The following XPO5 variants were observed in gnomAD, a reference collection of about 807,000 sequenced individuals.
XPO5 encodes the protein exportin 5, also known as exportin-5.
A neutral mutation model predicts 160.6 loss-of-function variants in XPO5; 46 were observed. The ratio of observed to expected loss-of-function variants is 0.29; its 90% CI spans 0.23 to 0.37. The LOEUF (loss-of-function observed/expected upper bound fraction) is 0.37, where lower values mean the gene tolerates loss of function less well. XPO5 is among the 10% of genes least tolerant of loss of function. The pLI, the probability that XPO5 is intolerant of heterozygous loss-of-function variation, is 1.00. For missense variants in XPO5, 1,090 were observed against 1,463.9 expected (o/e 0.74, Z 4.17); for synonymous variants, 537 against 519.3 (o/e 1.03, Z -0.46).
chr6:43,523,632 A>G lies in XPO5; in HGVS notation c.*236T>C. The G allele has an allele frequency of 1.3e-6, 1 of 762,988 alleles. No individual in the cohort carries two copies. The highest frequency in any genetic ancestry group is 1.4e-5 in the South Asian group (1 of 73,156). 47.3% of individuals were successfully genotyped at this position (762,988 alleles called of 1,614,324 possible). A position where few individuals can be genotyped will look rare whatever the true frequency, so the allele number is the denominator to read the frequency against. Reference sequence around the variant, plus strand: ...AGCCAAATCTCCAAGTAGAATGGGAACTATCTGGGACATCTAGACAGAATA... The same window carrying G: ...AGCCAAATCTCCAAGTAGAATGGGAGCTATCTGGGACATCTAGACAGAATA... On this transcript the variant is annotated 3_prime_UTR_variant, in exon 32 of 32. Transcript: ENST00000265351.
At chr6:43,528,266 C>T (rs1793724185) in intron 24 of XPO5, 61 bp from the exon 25 acceptor site, 1 of 1,507,852 alleles carries the variant, frequency 6.6e-7, no homozygotes, top group Non-Finnish European at 9.0e-7. Context: ...CACATAATAT[C>T]TAAAGTCAAG....
At position 43,528,225 on chromosome 6, in the gene XPO5, A is replaced by G. The variant is rs780898032; in HGVS notation, c.2776-20T>C. ...AAGCCTCTGGGAAAACACAAAGGAA[A>G]TAAATGCTAGAATTGGGGAAAGGAT... is the stretch of plus-strand genomic sequence containing the variant. On this transcript the variant is annotated intron_variant, in intron 24 of 31. Transcript: ENST00000265351. The G allele has an allele frequency of 6.3e-6, 10 of 1,580,520 alleles. No homozygotes were observed. Among genetic ancestry groups the G allele is most frequent in the Non-Finnish European group, 7.7e-6 (9 of 1,162,230 alleles).
chr6:43,546,576 A>G lies in XPO5; in HGVS notation c.2337T>C (p.Leu779=), dbSNP rs973613620. 8 of 1,607,072 alleles carry G rather than the reference A, an allele frequency of 5.0e-6. No homozygotes were observed. In the African/African-American group the frequency reaches 1.1e-4, roughly 22 times the overall value. The stretch of plus-strand genomic sequence containing the variant: ...AAGCCATTATTCTGACTCACCTTAT[A>G]AGCGCAAGCAAATTGTCAAGAAGTT... ...ILKLLDNLLA[L]IRTHNTLYAP... Residue 779 remains leucine (L), a synonymous_variant, in exon 20 of 32, where the codon CTT becomes CTC. Coordinates refer to ENST00000265351, the MANE Select transcript of XPO5 (RefSeq NM_020750.3).
Position 43,530,805 on chromosome 6 carries a change from C to T in XPO5, c.2560G>A (p.Ala854Thr). ...AAGTCTTGCTGCATGGAAGGGCCTGCCTTCCCTAGGATATGAAAACTGTAA... is the reference window on the plus strand; with the variant it reads ...AAGTCTTGCTGCATGGAAGGGCCTGTCTTCCCTAGGATATGAAAACTGTAA... ...YENCFHILGK[A>T]GPSMQQDFYT... The change falls in exon 23 of 32, where the codon GCA (alanine) becomes ACA (threonine). Residue 854 changes from alanine to threonine, a missense_variant. Transcript: ENST00000265351. 6.2e-7 allele frequency: 1 copy of T among 1,611,964 alleles called. No homozygotes were observed. Among genetic ancestry groups the T allele is most frequent in the Non-Finnish European group, 8.5e-7 (1 of 1,179,210 alleles).
chr6:43,539,105 C>T lies in XPO5; in HGVS notation c.2343-5098G>A, dbSNP rs547426521. On this transcript the variant is annotated intron_variant, in intron 20 of 31. Coordinates refer to ENST00000265351, the MANE Select transcript of XPO5 (RefSeq NM_020750.3). The stretch of plus-strand genomic sequence containing the variant: ...AGGTGCGGAGACAATGCCAGTGCCC[C>T]TGGGTGCAGGGATGAGGCGCACCAG... The T allele has an allele frequency of 2.6e-5, 34 of 1,285,652 alleles. No homozygotes were observed. The Middle Eastern group carries it at 7.7e-4, about 29-fold the overall frequency. 79.6% of individuals were successfully genotyped at this position (1,285,652 alleles called of 1,614,324 possible).
chr6:43,540,207 T>C (rs1461621372), intron 20 of XPO5, among the ~76,000 whole-genome samples: 1 of 152,142 alleles, frequency 6.6e-6, no homozygotes, highest in Non-Finnish European at 1.5e-5. Flanking sequence ...CTGGCAAACA[T>C]GGTGAAACCC....
Position 43,574,094 on chromosome 6 carries a change from T to G in XPO5, c.106-493A>C, listed in dbSNP as rs553252329. Among the ~76,000 whole-genome samples the G allele has an allele frequency of 2.1e-3, 313 of 152,032 alleles. 2 individuals carry two copies. Among genetic ancestry groups the G allele is most frequent in the African/African-American group, 6.8e-3 (281 of 41,548 alleles). On this transcript the variant is annotated intron_variant, in intron 1 of 31. Coordinates refer to ENST00000265351, the MANE Select transcript of XPO5 (RefSeq NM_020750.3). ...ACCCACCTGCCTTGGCCTCCCAAAG[T>G]GCTGGGATTACAGGCGTGAGCCACT...
chr6:43,562,886 ACAGGAT>A (rs1242460372), intron 8 of XPO5, among the ~76,000 whole-genome samples: 1 of 152,218 alleles, frequency 6.6e-6, no homozygotes, highest in Non-Finnish European at 1.5e-5. Flanking sequence ...CATTTAATTA[ACAGGAT>A]CCCTTAAAAC....
At chr6:43,551,721 A>C (rs187217811) in intron 14 of XPO5, among the ~76,000 whole-genome samples, 1 of 152,122 alleles carries the variant, frequency 6.6e-6, no homozygotes, top group East Asian at 1.9e-4. Flanking sequence ...GATGTTGTAG[A>C]AGTGTTGTTA....
At chr6:43,562,427 A>C in intron 8 of XPO5, 81 bp from the exon 9 acceptor site, 2 of 1,063,144 alleles carry the variant, frequency 1.9e-6, no homozygotes, top group Non-Finnish European at 1.4e-6. Context: ...TCATTTCTCC[A>C]AGTCATTTAG....
intron 31 of XPO5, among the ~76,000 whole-genome samples, chr6:43,524,218 G>A (rs548334211): frequency 5.4e-4 from 82 of 152,242 alleles, no homozygotes; most frequent in African/African-American, 1.7e-3. Flanking sequence ...CAGACGTGGT[G>A]GTGCATGCCT....
At chr6:43,572,792 GGT>G (rs1224323161) in intron 2 of XPO5, among the ~76,000 whole-genome samples, 1 of 152,168 alleles carries the variant, frequency 6.6e-6, no homozygotes, top group East Asian at 1.9e-4. Context: ...TATATGCAGT[GGT>G]CCATTAACTG....
At chr6:43,560,147 C>T (rs760515852) in intron 11 of XPO5, 31 bp downstream of exon 11, 16 of 1,606,524 alleles carry the variant, frequency 1.0e-5, no homozygotes, top group South Asian at 6.7e-5. Context: ...TATTCACCTA[C>T]ATTCCACATG....
At chr6:43,560,433 G>A in intron 10 of XPO5, 130 bp from the exon 11 acceptor site, 1 of 1,186,744 alleles carries the variant, frequency 8.4e-7, no homozygotes, top group Non-Finnish European at 1.1e-6. Flanking sequence ...TGTCTCTACT[G>A]CAATTTATCA....
intron 28 of XPO5, 135 bp from the exon 29 acceptor site, chr6:43,525,349 G>A (rs1793510472): frequency 1.2e-6 from 1 of 831,556 alleles, no homozygotes; most frequent in South Asian, 1.8e-5. Context: ...TGTTGCCCAG[G>A]CTGGTCCTGA....
intron 8 of XPO5, among the ~76,000 whole-genome samples, chr6:43,562,759 T>C (rs1448480181): frequency 6.6e-6 from 1 of 152,210 alleles, no homozygotes; most frequent in African/African-American, 2.4e-5. Flanking sequence ...TGAACCATGG[T>C]TGTGGTATGG....
At chr6:43,524,250 G>A (rs1793389932) in intron 31 of XPO5, among the ~76,000 whole-genome samples, 1 of 151,950 alleles carries the variant, frequency 6.6e-6, no homozygotes, top group Non-Finnish European at 1.5e-5. Context: ...TACTTGGGAG[G>A]CTGAGGCAGG....
intron 25 of XPO5, 130 bp from the exon 26 acceptor site, chr6:43,527,861 G>A: frequency 1.1e-6 from 1 of 919,874 alleles, no homozygotes; most frequent in Non-Finnish European, 1.6e-6. Context: ...CAAAAGTTGG[G>A]AATGGACAGC....
In XPO5 at chr6:43,575,896, C is replaced by T. The variant is rs758608993; in HGVS notation, c.-32G>A. The T allele has an allele frequency of 6.2e-7, 1 of 1,605,536 alleles. No individual in the cohort carries two copies. The highest frequency in any genetic ancestry group is 8.5e-7 in the Non-Finnish European group (1 of 1,174,070). On this transcript the variant is annotated 5_prime_UTR_variant, in exon 1 of 32. It adds an upstream start codon to the 5' untranslated region. Transcript: ENST00000265351. ...CGCCACGCGCCGAGAGCGCACACCACTGCAGTCCCGGGACCACGAGGCACG... is the reference window on the plus strand; with the variant it reads ...CGCCACGCGCCGAGAGCGCACACCATTGCAGTCCCGGGACCACGAGGCACG...
Sources: allele counts gnomAD v4.1 joint callset (sites outside exome capture counted in the v4.1 genomes callset), GRCh38; gene constraint gnomAD v4.1.1; transcripts MANE v1.5; gene names NCBI Gene and HGNC (gene_info 2026-07-23, HGNC 2026-07-21).